RYR3: variants seen among roughly 807,000 people sequenced by gnomAD.
RYR3 encodes the protein ryanodine receptor 3.
A neutral mutation model predicts 584.3 loss-of-function variants in RYR3; 207 were observed. That is an observed-to-expected ratio of 0.35 (90% confidence interval 0.32 to 0.40). RYR3 has a LOEUF of 0.40. RYR3 is among the 10% of genes least tolerant of loss of function. The pLI, the probability that RYR3 is intolerant of heterozygous loss-of-function variation, is 1.00. For synonymous variants in RYR3, 2,416 were observed against 2,248.5 expected (o/e 1.07, Z -2.11); for missense variants, 5,616 against 6,089.2 (o/e 0.92, Z 2.59).
At chr15:33,591,769 A>G (rs924197124) in intron 16 of RYR3, among the ~76,000 whole-genome samples, 5 of 152,338 alleles carry the variant, frequency 3.3e-5, no homozygotes, top group African/African-American at 7.2e-5. Flanking sequence ...ATAAAATAGT[A>G]ATATCATTGA....
Position 33,861,074 on chromosome 15 carries a change from T to G in RYR3, c.14365-4T>G. 1 of 1,575,740 alleles carries G rather than the reference T, an allele frequency of 6.3e-7. No homozygotes were observed. The highest frequency in any genetic ancestry group is 8.6e-7 in the Non-Finnish European group (1 of 1,158,304). On this transcript the variant is annotated splice_polypyrimidine_tract_variant and splice_region_variant and intron_variant, in intron 101 of 103. Coordinates refer to ENST00000634891, the MANE Select transcript of RYR3 (RefSeq NM_001036.6). ...ATGCCTTTTCTGCCTGTTATTTTTCTTAGACTAAATGTTTCATCTGTGGGA... is the reference window on the plus strand; with the variant it reads ...ATGCCTTTTCTGCCTGTTATTTTTCGTAGACTAAATGTTTCATCTGTGGGA...
At chr15:33,589,042 T>C (rs1176209490) in intron 16 of RYR3, among the ~76,000 whole-genome samples, 4 of 152,218 alleles carry the variant, frequency 2.6e-5, no homozygotes, top group Admixed American at 2.6e-4. Context: ...CATACTGTTA[T>C]CCATAGGGGT....
chr15:33,832,105 G>A (rs1265364525), intron 86 of RYR3, among the ~76,000 whole-genome samples: 1 of 151,848 alleles, frequency 6.6e-6, no homozygotes, highest in Non-Finnish European at 1.5e-5. Context: ...ACCAACCTGG[G>A]CAATATGGTG....
intron 1 of RYR3, among the ~76,000 whole-genome samples, chr15:33,437,112 G>C (rs1029901835): frequency 3.8e-5 from 5 of 132,166 alleles, no homozygotes; most frequent in Non-Finnish European, 7.8e-5. Context: ...GAGAGAGAGA[G>C]ATAGAGTGTG....
At chr15:33,476,774 G>A (rs1020389055) in intron 2 of RYR3, among the ~76,000 whole-genome samples, 2 of 152,102 alleles carry the variant, frequency 1.3e-5, no homozygotes, top group Admixed American at 6.5e-5. Flanking sequence ...GCATGAGTGT[G>A]CCCCTTTTAT....
chr15:33,775,858 C>G (rs142915910), intron 64 of RYR3, among the ~76,000 whole-genome samples: 15 of 152,320 alleles, frequency 9.8e-5, no homozygotes, highest in Non-Finnish European at 2.1e-4. Flanking sequence ...TTTTGGCCCC[C>G]TTAAAACCCC....
At chr15:33,764,789 T>TC (rs1339746316) in intron 60 of RYR3, among the ~76,000 whole-genome samples, 1 of 152,090 alleles carries the variant, frequency 6.6e-6, no homozygotes, top group Non-Finnish European at 1.5e-5. Context: ...ATCCAGCACT[T>TC]TGGGAGGCCA....
At chr15:33,822,796 G>A (rs8030909) in intron 80 of RYR3, among the ~76,000 whole-genome samples, 200 bp from the exon 81 acceptor site, 10,422 of 152,298 alleles carry the variant, frequency 0.068, 404 homozygotes, top group South Asian at 0.079. Flanking sequence ...CAATCAGTAG[G>A]TCTATGAATG....
chr15:33,709,050 A>G (rs570288958), intron 43 of RYR3, among the ~76,000 whole-genome samples: 1 of 136,564 alleles, frequency 7.3e-6, no homozygotes, highest in East Asian at 2.2e-4. Flanking sequence ...TTGCTTTAGG[A>G]GGAAGTTAGG....
intron 1 of RYR3, among the ~76,000 whole-genome samples, chr15:33,431,825 ATG>A (rs1414425794): frequency 1.3e-5 from 2 of 152,194 alleles, no homozygotes; most frequent in Non-Finnish European, 1.5e-5. Context: ...CCAAAAAAGT[ATG>A]TGTTGATGTA....
chr15:33,705,515 A>C (rs1259026680), intron 42 of RYR3, among the ~76,000 whole-genome samples: 1 of 152,214 alleles, frequency 6.6e-6, no homozygotes, highest in Non-Finnish European at 1.5e-5. Flanking sequence ...TACATAAGAT[A>C]TCAAAGGTGA....
At chr15:33,540,597 T>A (rs1296843633) in intron 6 of RYR3, among the ~76,000 whole-genome samples, 194 bp from the exon 7 acceptor site, 1 of 152,178 alleles carries the variant, frequency 6.6e-6, no homozygotes, top group African/African-American at 2.4e-5. Flanking sequence ...AGCTGAATAA[T>A]TCCTCACCCC....
chr15:33,846,724 A>G (rs1216572512), intron 93 of RYR3, among the ~76,000 whole-genome samples: 2 of 152,192 alleles, frequency 1.3e-5, no homozygotes, highest in Non-Finnish European at 2.9e-5. Flanking sequence ...TTCTGGAGCC[A>G]AGCTGCCTGG....
At chr15:33,368,338 CTTTTTTTTTTT>C (rs35491164) in intron 1 of RYR3, among the ~76,000 whole-genome samples, 3 of 85,824 alleles carry the variant, frequency 3.5e-5, no homozygotes, top group Non-Finnish European at 6.4e-5. Flanking sequence ...GCCTTCCTGT[CTTTTTTTTTTT>C]TTTTTTTTTT....
rs371417208 is a variant in RYR3 at position 33,756,287 on chromosome 15, G to A, written c.8516-19G>A. The A allele has an allele frequency of 1.3e-3, 1,992 of 1,558,144 alleles. 3 individuals carry two copies. The highest frequency in any genetic ancestry group is 3.3e-3 in the South Asian group (278 of 84,718). Reference sequence around the variant, plus strand: ...ACTTCGTAACTCTGGCCAACTTTGTGTTACCTGTGTCTTCGTAGAAGCCAT... The same window carrying A: ...ACTTCGTAACTCTGGCCAACTTTGTATTACCTGTGTCTTCGTAGAAGCCAT... On this transcript the variant is annotated intron_variant, in intron 58 of 103. Coordinates refer to ENST00000634891, the MANE Select transcript of RYR3 (RefSeq NM_001036.6).
At chr15:33,536,175 A>C (rs2055313412) in intron 5 of RYR3, among the ~76,000 whole-genome samples, 1 of 152,156 alleles carries the variant, frequency 6.6e-6, no homozygotes, top group Admixed American at 6.5e-5. Context: ...TCTGGCTCAG[A>C]AACCCCTTCA....
rs772409120 is a variant in RYR3 at position 33,816,925 on chromosome 15, T to C, written c.10566T>C (p.Tyr3522=). 3 of 1,611,618 alleles carry C rather than the reference T, an allele frequency of 1.9e-6. No homozygotes were observed. The change falls in exon 75 of 104, where the codon TAT becomes TAC. Residue 3522 remains tyrosine (Y), a synonymous_variant. Transcript: ENST00000634891. ...YQRFWIETEE[Y]SFEEKLVQDL... ...GATTTTGGATAGAAACAGAGGAGTA[T>C]TCCTTTGAAGAGAAACTAGTACAGG... is the stretch of plus-strand genomic sequence containing the variant.
intron 65 of RYR3, among the ~76,000 whole-genome samples, chr15:33,784,260 A>T (rs1043939438): frequency 6.6e-6 from 1 of 152,230 alleles, no homozygotes; most frequent in African/African-American, 2.4e-5. Flanking sequence ...AGTCCCTTTC[A>T]ATTGACCAGT....
At chr15:33,579,587 G>T (rs886991486) in intron 12 of RYR3, among the ~76,000 whole-genome samples, 1 of 152,180 alleles carries the variant, frequency 6.6e-6, no homozygotes, top group Non-Finnish European at 1.5e-5. Context: ...GCTATAGATA[G>T]AAGAGTCACT....
Sources: allele counts gnomAD v4.1 joint callset (sites outside exome capture counted in the v4.1 genomes callset), GRCh38; gene constraint gnomAD v4.1.1; transcripts MANE v1.5; gene names NCBI Gene and HGNC (gene_info 2026-07-23, HGNC 2026-07-21).